The following KCTD1 variants were observed in gnomAD, a reference collection of about 807,000 sequenced individuals.
KCTD1 encodes the protein potassium channel tetramerization domain containing 1, also known as BTB/POZ domain-containing protein KCTD1.
A neutral mutation model predicts 66.0 loss-of-function variants in KCTD1; 24 were observed. The observed-to-expected ratio is 0.36, with a 90% confidence interval of 0.26 to 0.51. The LOEUF is 0.51. KCTD1 is among the 20% of genes least tolerant of loss of function. The pLI, the probability that KCTD1 is intolerant of heterozygous loss-of-function variation, is 0.95. For missense variants in KCTD1, 943 were observed against 1,205.2 expected, an observed-to-expected ratio of 0.78 and a Z score of 3.22; for synonymous variants, 511 against 517.2, an observed-to-expected ratio of 0.99 and a Z score of 0.16.
chr18:26,618,098 A>T (rs1362105327), intron 1 of KCTD1, among the ~76,000 whole-genome samples: 1 of 135,506 alleles, frequency 7.4e-6, no homozygotes, highest in Non-Finnish European at 1.5e-5. Flanking sequence ...ACCTAGGTTT[A>T]AAAAAAAACA....
upstream of KCTD1, among the ~76,000 whole-genome samples, chr18:26,550,193 G>A (rs764621588): frequency 8.9e-4 from 135 of 152,276 alleles, no homozygotes; most frequent in Non-Finnish European, 1.0e-3. The surrounding 1 kb of genome is among the most constrained non-coding windows in gnomAD (Gnocchi z 5.4). Context: ...GTGCGTCCTC[G>A]AATTTACCTC....
intron 1 of KCTD1, among the ~76,000 whole-genome samples, chr18:26,529,215 C>T (rs1198037286): frequency 6.6e-6 from 1 of 152,180 alleles, no homozygotes; most frequent in Non-Finnish European, 1.5e-5. Context: ...AGTCCTCAGA[C>T]ACAATGACCT....
rs8082985 is a variant in KCTD1, at chr18:26,489,305, C to T, written c.1988+11767G>A. ...TAATAGACTGAACTGTCTGGTGATG[C>T]GGTGGACCAGACTCTTCTCCTAACA... On this transcript the variant is annotated intron_variant, in intron 2 of 4. Transcript: ENST00000580059. Among the ~76,000 whole-genome samples, 856 of 152,262 alleles carry T rather than the reference C, an allele frequency of 5.6e-3. 12 individuals are homozygous for T. Among genetic ancestry groups the T allele is most frequent in the African/African-American group, 0.019 (789 of 41,544 alleles).
At chr18:26,520,375 T>C (rs961245067) in intron 1 of KCTD1, among the ~76,000 whole-genome samples, 4 of 152,208 alleles carry the variant, frequency 2.6e-5, no homozygotes, top group South Asian at 4.1e-4. Context: ...CCCTAAATTA[T>C]TGATGACTAA....
intron 2 of KCTD1, among the ~76,000 whole-genome samples, chr18:26,489,157 T>A (rs948952024): frequency 6.6e-6 from 1 of 152,158 alleles, no homozygotes; most frequent in African/African-American, 2.4e-5. Flanking sequence ...CCACTTCCTA[T>A]CTCCAGGCAG....
intron 1 of KCTD1, among the ~76,000 whole-genome samples, chr18:26,587,890 T>C (rs1397822842): frequency 1.3e-5 from 2 of 152,148 alleles, no homozygotes; most frequent in Non-Finnish European, 2.9e-5. Flanking sequence ...AATAAAGTGG[T>C]TTCTTGAGAT....
At chr18:26,646,750 A>G (rs1987932683) in intron 1 of KCTD1, among the ~76,000 whole-genome samples, 1 of 152,246 alleles carries the variant, frequency 6.6e-6, no homozygotes, top group South Asian at 2.1e-4. Context: ...ACAATTATGC[A>G]TAACTAAAAT....
upstream of KCTD1, among the ~76,000 whole-genome samples, chr18:26,630,766 T>C (rs914659020): frequency 2.0e-5 from 3 of 152,228 alleles, no homozygotes; most frequent in East Asian, 1.9e-4. Flanking sequence ...CTAGCCACTT[T>C]TTCATGGAAC....
At chr18:26,617,324 T>C (rs575352355) in intron 1 of KCTD1, among the ~76,000 whole-genome samples, 2 of 152,356 alleles carry the variant, frequency 1.3e-5, no homozygotes, top group African/African-American at 2.4e-5. Context: ...GAGCTAGTTA[T>C]GTCAGCCAAG....
chr18:26,580,698 G>A (rs373181421), intron 1 of KCTD1, among the ~76,000 whole-genome samples: 1 of 152,204 alleles, frequency 6.6e-6, no homozygotes, highest in Non-Finnish European at 1.5e-5. Context: ...ACCATGGCCT[G>A]CAGCTAATCC....
At chr18:26,526,696 G>C (rs529103837) in intron 1 of KCTD1, among the ~76,000 whole-genome samples, 39 of 152,270 alleles carry the variant, frequency 2.6e-4, no homozygotes, top group African/African-American at 8.9e-4. Flanking sequence ...TGGAGACCCA[G>C]GAGGGGCTCA....
chr18:26,641,415 T>G (rs1425688901), upstream of KCTD1, among the ~76,000 whole-genome samples: 2 of 152,244 alleles, frequency 1.3e-5, no homozygotes, highest in African/African-American at 2.4e-5. Context: ...CCTCTGCCCT[T>G]TTTAGCTCAG....
At chr18:26,605,057 C>CA (rs1986981655) in intron 1 of KCTD1, among the ~76,000 whole-genome samples, 1 of 152,044 alleles carries the variant, frequency 6.6e-6, no homozygotes, top group Non-Finnish European at 1.5e-5. Flanking sequence ...TACTGTGTTC[C>CA]AGGCAATAGG....
At chr18:26,567,316 A>G (rs1162092202) in intron 1 of KCTD1, among the ~76,000 whole-genome samples, 1 of 152,220 alleles carries the variant, frequency 6.6e-6, no homozygotes, top group Non-Finnish European at 1.5e-5. Context: ...AAGGTTATTT[A>G]CATACAAACT....
At chr18:26,593,801 G>A (rs1476739800) in intron 1 of KCTD1, among the ~76,000 whole-genome samples, 4 of 149,322 alleles carry the variant, frequency 2.7e-5, no homozygotes, top group Non-Finnish European at 5.9e-5. Flanking sequence ...GGAGGAGGAG[G>A]AAGACAAGGA....
At position 26,547,345 on chromosome 18, in the gene KCTD1, G is replaced by T; in HGVS notation, c.1192C>A (p.Arg398Ser). 1 of 1,551,582 alleles carries T rather than the reference G, an allele frequency of 6.4e-7. No homozygotes were observed. Among genetic ancestry groups the T allele is most frequent in the Non-Finnish European group, 8.7e-7 (1 of 1,146,876 alleles). ...YASFVKYLSK[R>S]NPLCKAFFQR... ...AAGAACGCCTTGCAGAGAGGGTTGC[G>T]TTTCGACAGGTACTTGACGAAGCTG... The change falls in exon 1 of 5, where the codon CGC becomes AGC. Residue 398 changes from arginine (R) to serine (S), a missense_variant. Around this residue, in one of 10 missense-constraint regions of KCTD1, gnomAD observed 79 missense variants for 133.9 expected, o/e 0.59. Coordinates refer to ENST00000580059, the MANE Select transcript of KCTD1 (RefSeq NM_001142730.3).
intron 1 of KCTD1, among the ~76,000 whole-genome samples, chr18:26,507,969 A>G (rs925071289): frequency 6.6e-6 from 1 of 152,192 alleles, no homozygotes; most frequent in Non-Finnish European, 1.5e-5. Flanking sequence ...AAGTTCTATT[A>G]AATAAAAATA....
chr18:26,600,939 T>C (rs1347030653), intron 1 of KCTD1, among the ~76,000 whole-genome samples: 7 of 151,996 alleles, frequency 4.6e-5, no homozygotes, highest in African/African-American at 9.7e-5. Context: ...AACCTTCAGG[T>C]ATTAAACTTG....
At chr18:26,627,992 GC>G (rs887025112) in intron 1 of KCTD1, among the ~76,000 whole-genome samples, 1 of 152,114 alleles carries the variant, frequency 6.6e-6, no homozygotes, top group Admixed American at 6.6e-5. Flanking sequence ...GGTTGCCTTG[GC>G]CCCCACCCCA....
Sources: gnomAD v4.1 joint callset for allele counts (sites outside exome capture counted in the v4.1 genomes callset) on GRCh38, gnomAD v4.1.1 for gene constraint, gnomAD v4.1.1 regional missense constraint, Gnocchi (gnomAD v3.1) non-coding constraint, MANE v1.5 for transcripts, NCBI Gene and HGNC (gene_info 2026-07-23, HGNC 2026-07-21) for gene names.